NR2F1-AS1: variants seen among roughly 807,000 people sequenced by gnomAD.
The protein encoded by NR2F1-AS1 is NR2F1 regulatory antisense RNA 1.
chr5:93,569,743 C>T (rs1481746238), intron 1 of NR2F1-AS1: 1 of 152,122 alleles, frequency 6.6e-6, no homozygotes, highest in Non-Finnish European at 1.5e-5. Flanking sequence ...GAAAGCAGAC[C>T]CCAGTCGGGC....
chr5:93,485,415 G>A (rs886625874), intron 4 of NR2F1-AS1, among the ~76,000 whole-genome samples: 1 of 152,126 alleles, frequency 6.6e-6, no homozygotes, highest in Non-Finnish European at 1.5e-5. Flanking sequence ...AAACCAATGA[G>A]AACAAAGACA....
chr5:93,485,769 A>G (rs900340348), intron 4 of NR2F1-AS1, among the ~76,000 whole-genome samples: 1 of 151,916 alleles, frequency 6.6e-6, no homozygotes, highest in South Asian at 2.1e-4. Flanking sequence ...CTGGGTATAT[A>G]CCCAAAGGAC....
At chr5:93,439,663 G>A (rs1749518798) in intron 4 of NR2F1-AS1, among the ~76,000 whole-genome samples, 1 of 152,128 alleles carries the variant, frequency 6.6e-6, no homozygotes, top group South Asian at 2.1e-4. Flanking sequence ...GATGGAATGG[G>A]GAAAGTTCAG....
At chr5:93,522,003 T>C (rs1381107582) in intron 4 of NR2F1-AS1, among the ~76,000 whole-genome samples, 3 of 152,174 alleles carry the variant, frequency 2.0e-5, no homozygotes, top group Non-Finnish European at 2.9e-5. Flanking sequence ...GTGGTACATA[T>C]ATATCATGGA....
intron 4 of NR2F1-AS1, among the ~76,000 whole-genome samples, chr5:93,411,896 T>TGGCAC (rs1357080638): frequency 2.0e-5 from 3 of 152,160 alleles, no homozygotes; most frequent in Admixed American, 6.5e-5. Flanking sequence ...TCCCATCCTG[T>TGGCAC]GGCACCATAT....
At chr5:93,447,091 AT>A (rs1749728665) in intron 4 of NR2F1-AS1, among the ~76,000 whole-genome samples, 1 of 152,244 alleles carries the variant, frequency 6.6e-6, no homozygotes, top group Non-Finnish European at 1.5e-5. Context: ...ACCTAAAACC[AT>A]AAAAACCCTA....
intron 4 of NR2F1-AS1, among the ~76,000 whole-genome samples, chr5:93,412,894 C>T (rs1482201315): frequency 1.3e-5 from 2 of 152,090 alleles, no homozygotes; most frequent in Non-Finnish European, 2.9e-5. Flanking sequence ...CCAATCCCAA[C>T]CACATCCACT....
chr5:93,486,053 A>G (rs1750707585), intron 4 of NR2F1-AS1, among the ~76,000 whole-genome samples: 1 of 130,456 alleles, frequency 7.7e-6, no homozygotes, highest in Admixed American at 8.2e-5. Flanking sequence ...CATAGGTGGG[A>G]ATTGAACAAT....
intron 4 of NR2F1-AS1, among the ~76,000 whole-genome samples, chr5:93,549,454 T>C (rs1354646382): frequency 1.3e-5 from 2 of 152,124 alleles, no homozygotes; most frequent in African/African-American, 2.4e-5. Context: ...TACATGGGGG[T>C]AAGTAAAGCA....
chr5:93,585,096 C>G (rs922976793), upstream of NR2F1-AS1: 14 of 1,003,864 alleles, frequency 1.4e-5, no homozygotes, highest in African/African-American at 3.5e-5. Flanking sequence ...CGGCCCCAAC[C>G]CCGCAGCGCA....
intron 4 of NR2F1-AS1, among the ~76,000 whole-genome samples, chr5:93,491,769 T>C (rs968898040): frequency 2.0e-5 from 3 of 152,194 alleles, no homozygotes; most frequent in African/African-American, 7.2e-5. Context: ...TCAAACTCCA[T>C]GACTTATACT....
intron 4 of NR2F1-AS1, among the ~76,000 whole-genome samples, chr5:93,418,657 AAT>A (rs1186917685): frequency 2.0e-5 from 3 of 152,122 alleles, no homozygotes; most frequent in Non-Finnish European, 1.5e-5. Context: ...AATTCATCCA[AAT>A]ATCTGAGGCT....
At chr5:93,526,306 A>C in intron 4 of NR2F1-AS1, among the ~76,000 whole-genome samples, 1 of 152,078 alleles carries the variant, frequency 6.6e-6, no homozygotes, top group East Asian at 1.9e-4. Context: ...AAGAAGTGGA[A>C]TATTTGAATA....
chr5:93,538,467 C>T (rs182776217), intron 4 of NR2F1-AS1, among the ~76,000 whole-genome samples: 1 of 152,170 alleles, frequency 6.6e-6, no homozygotes, highest in East Asian at 1.9e-4. Context: ...GGGAGTGAGA[C>T]TGTTTCAAAA....
At chr5:93,537,242 G>C (rs1311991676) in intron 4 of NR2F1-AS1, among the ~76,000 whole-genome samples, 2 of 152,094 alleles carry the variant, frequency 1.3e-5, no homozygotes, top group African/African-American at 4.8e-5. Context: ...CATTGGGCTG[G>C]ACAGGAATTT....
intron 1 of NR2F1-AS1, among the ~76,000 whole-genome samples, chr5:93,575,313 T>A (rs775227786): frequency 1.3e-5 from 2 of 152,250 alleles, no homozygotes; most frequent in Non-Finnish European, 2.9e-5. Context: ...TGGGAGATGT[T>A]TTTCTTTTTG....
chr5:93,437,962 G>A (rs750797671), intron 4 of NR2F1-AS1, among the ~76,000 whole-genome samples: 1 of 152,190 alleles, frequency 6.6e-6, no homozygotes, highest in Non-Finnish European at 1.5e-5. Flanking sequence ...TGTCCATGGT[G>A]TTTTTATTTG....
chr5:93,570,860 C>T (rs951973104), intron 1 of NR2F1-AS1: 1 of 152,228 alleles, frequency 6.6e-6, no homozygotes, highest in African/African-American at 2.4e-5. Context: ...TTCCGGGATC[C>T]GCTCCCTGCG....
intron 4 of NR2F1-AS1, among the ~76,000 whole-genome samples, chr5:93,517,096 T>C (rs1274724310): frequency 6.6e-6 from 1 of 152,004 alleles, no homozygotes; most frequent in Non-Finnish European, 1.5e-5. Context: ...TTGTTTTATA[T>C]ATACTTCTCA....
Sources: allele counts gnomAD v4.1 joint callset (sites outside exome capture counted in the v4.1 genomes callset), GRCh38; gene constraint gnomAD v4.1.1; transcripts MANE v1.5; gene names NCBI Gene and HGNC (gene_info 2026-07-23, HGNC 2026-07-21).